CMBL: variants seen among roughly 807,000 people sequenced by gnomAD.
The protein encoded by CMBL is carboxymethylenebutenolidase homolog, also known as carboxymethylenebutenolidase homolog (Pseudomonas).
CMBL carries 17 observed loss-of-function variants against 28.7 expected under a neutral mutation model. The observed-to-expected ratio is 0.59, with a 90% CI of 0.41 to 0.89. CMBL has a LOEUF of 0.89. Ranked by LOEUF, CMBL falls within the 40% of genes least tolerant of loss-of-function variation. The pLI, the probability that CMBL is intolerant of heterozygous loss-of-function variation, is 0.00. For missense variants in CMBL, 310 were observed against 298.5 expected, an observed-to-expected ratio of 1.04 and a Z score of -0.28; for synonymous variants, 106 against 101.6, an observed-to-expected ratio of 1.04 and a Z score of -0.26.
intron 1 of CMBL, among the ~76,000 whole-genome samples, chr5:10,302,956 C>T (rs1480523362): frequency 6.6e-6 from 1 of 152,174 alleles, no homozygotes; most frequent in Non-Finnish European, 1.5e-5. Flanking sequence ...AGTCTGGCAG[C>T]TTTTAAAGGT....
At chr5:10,283,718 C>T (rs1383682961) in intron 4 of CMBL, among the ~76,000 whole-genome samples, 2 of 152,120 alleles carry the variant, frequency 1.3e-5, no homozygotes, top group African/African-American at 2.4e-5. Flanking sequence ...GAGCCAAGAT[C>T]GTGCCACTGC....
chr5:10,281,063 G>A (rs1039812732), intron 5 of CMBL, among the ~76,000 whole-genome samples: 1 of 152,114 alleles, frequency 6.6e-6, no homozygotes, highest in Non-Finnish European at 1.5e-5. Context: ...CGTGAGCCAC[G>A]GCGCCCGGCC....
At position 10,290,546 on chromosome 5, in the gene CMBL, A is replaced by G. The variant is rs773326651; in HGVS notation, c.215+2T>C. On this transcript the variant is annotated splice_donor_variant, in intron 2 of 5. Coordinates refer to ENST00000296658, the MANE Select transcript of CMBL (RefSeq NM_138809.4). LOFTEE classifies it high-confidence loss of function. ...AACAAAGAAACACAACTTTATACAT[A>G]CGTGTATCCATTTCCTGAGATCATG... 6.2e-6 allele frequency: 10 copies of G among 1,606,276 alleles called. No individual in the cohort carries two copies. In the East Asian group the frequency reaches 2.2e-4, roughly 36 times the overall value.
chr5:10,291,496 A>T (rs1746716128), intron 1 of CMBL, among the ~76,000 whole-genome samples: 2 of 151,948 alleles, frequency 1.3e-5, no homozygotes, highest in Admixed American at 1.3e-4. Context: ...CCCCGTCTCT[A>T]CTAAAAAACA....
intron 4 of CMBL, among the ~76,000 whole-genome samples, chr5:10,284,399 G>C (rs1308782387): frequency 6.6e-6 from 1 of 152,158 alleles, no homozygotes; most frequent in African/African-American, 2.4e-5. Context: ...AACCCAAGAA[G>C]GAATCATTAG....
At chr5:10,284,088 A>T (rs1373593258) in intron 4 of CMBL, among the ~76,000 whole-genome samples, 1 of 152,208 alleles carries the variant, frequency 6.6e-6, no homozygotes, top group Admixed American at 6.5e-5. Context: ...ACTCTAGCAA[A>T]GCTACTTCAT....
intron 1 of CMBL, among the ~76,000 whole-genome samples, chr5:10,304,552 G>A (rs772956512): frequency 3.3e-5 from 5 of 152,162 alleles, no homozygotes; most frequent in Non-Finnish European, 5.9e-5. Flanking sequence ...GCCGCTTTGC[G>A]GGCTGCAACA....
intron 4 of CMBL, 130 bp from the exon 5 acceptor site, chr5:10,282,418 T>TA (rs1746510867): frequency 1.6e-6 from 1 of 611,988 alleles, no homozygotes; most frequent in Admixed American, 3.1e-5. Context: ...TTTTTCAAAG[T>TA]AAAATCTCTG....
intron 5 of CMBL, among the ~76,000 whole-genome samples, chr5:10,281,222 CT>C (rs1216184593): frequency 6.6e-6 from 1 of 151,890 alleles, no homozygotes; most frequent in Non-Finnish European, 1.5e-5. Flanking sequence ...TAAATGACTG[CT>C]TTTTTTTCTT....
chr5:10,286,785 C>T (rs1170223004), intron 3 of CMBL, among the ~76,000 whole-genome samples: 1 of 152,178 alleles, frequency 6.6e-6, no homozygotes, highest in Non-Finnish European at 1.5e-5. Flanking sequence ...GAGCAGTCTT[C>T]CACAGCCTGG....
At chr5:10,298,243 A>T (rs1349064482) in intron 1 of CMBL, among the ~76,000 whole-genome samples, 1 of 152,128 alleles carries the variant, frequency 6.6e-6, no homozygotes, top group African/African-American at 2.4e-5. Flanking sequence ...CGTGGCTAGA[A>T]ATCTAAGTAG....
rs1490720753 is a variant in CMBL, at chr5:10,279,344, A to G, written c.*1109T>C. On this transcript the variant is annotated 3_prime_UTR_variant, in exon 6 of 6. Transcript: ENST00000296658. ...TCAATGGAATCCTGTTTTGATCTCAATACTTCCCATATTGCAATATATAAA... is the reference window on the plus strand; with the variant it reads ...TCAATGGAATCCTGTTTTGATCTCAGTACTTCCCATATTGCAATATATAAA... 1 of 152,200 alleles carries G rather than the reference A, an allele frequency of 6.6e-6. No individual in the cohort carries two copies. The highest frequency in any genetic ancestry group is 1.9e-4 in the East Asian group (1 of 5,202). 9.4% of individuals were successfully genotyped at this position (152,200 alleles called of 1,614,324 possible). A position where few individuals can be genotyped will look rare whatever the true frequency, so the allele number is the denominator to read the frequency against.
chr5:10,306,739 C>A (rs1395999988), intron 1 of CMBL, among the ~76,000 whole-genome samples: 3 of 152,138 alleles, frequency 2.0e-5, no homozygotes, highest in Non-Finnish European at 4.4e-5. Flanking sequence ...TTTTCAGCAG[C>A]CATGCTTGTA....
chr5:10,306,363 G>C (rs528979485), intron 1 of CMBL, among the ~76,000 whole-genome samples: 65 of 152,332 alleles, frequency 4.3e-4, no homozygotes, highest in Non-Finnish European at 5.1e-4. Flanking sequence ...GAGCCCGGAG[G>C]GGGCAGAGAG....
Position 10,289,438 on chromosome 5 carries a change from C to T in CMBL, c.216-909G>A, listed in dbSNP as rs1035988388. ...ATGTCCTGACCCCTGCTAAAGGACC[C>T]TCCGTGAAACAACAGAAACAGCAAT... On this transcript the variant is annotated intron_variant, in intron 2 of 5. Coordinates refer to ENST00000296658, the MANE Select transcript of CMBL (RefSeq NM_138809.4). This position sits in a 1 kb window ranked among gnomAD's most constrained non-coding sequence, Gnocchi z 4.3. Among the ~76,000 whole-genome samples the T allele has an allele frequency of 3.5e-4, 54 of 152,190 alleles. 1 individual carries two copies. The highest frequency in any genetic ancestry group is 1.6e-4 in the Non-Finnish European group (11 of 68,034).
intron 1 of CMBL, among the ~76,000 whole-genome samples, chr5:10,299,828 C>A (rs141185342): frequency 6.6e-6 from 1 of 151,640 alleles, no homozygotes; most frequent in Non-Finnish European, 1.5e-5. Flanking sequence ...AGAGTGAGAC[C>A]CTATCTAAAA....
At chr5:10,291,857 C>T (rs941090199) in intron 1 of CMBL, among the ~76,000 whole-genome samples, 4 of 152,078 alleles carry the variant, frequency 2.6e-5, no homozygotes, top group Admixed American at 2.0e-4. Context: ...AAAATACGAC[C>T]CGCTGAAGAG....
intron 1 of CMBL, among the ~76,000 whole-genome samples, chr5:10,297,718 C>CA (rs1746833840): frequency 6.6e-6 from 1 of 151,820 alleles, no homozygotes; most frequent in African/African-American, 2.4e-5. Context: ...AAACAAAACA[C>CA]AATCAATGAC....
chr5:10,294,252 G>C (rs1746772758), intron 1 of CMBL, among the ~76,000 whole-genome samples: 1 of 152,154 alleles, frequency 6.6e-6, no homozygotes, highest in South Asian at 2.1e-4. Context: ...AGAATTTTGG[G>C]GAAATGAGTG....
Sources: gnomAD v4.1 joint callset for allele counts (sites outside exome capture counted in the v4.1 genomes callset) on GRCh38, gnomAD v4.1.1 for gene constraint, Gnocchi (gnomAD v3.1) non-coding constraint, MANE v1.5 for transcripts, NCBI Gene and HGNC (gene_info 2026-07-23, HGNC 2026-07-21) for gene names.